LINGO2: variants seen among roughly 807,000 people sequenced by gnomAD.
LINGO2 encodes leucine-rich repeat and immunoglobulin-like domain-containing nogo receptor-interacting protein 2.
In LINGO2, 14 loss-of-function variants were observed where a neutral mutation model predicts 30.6. The observed-to-expected ratio is 0.46, with a 90% CI of 0.30 to 0.72. LINGO2 has a LOEUF of 0.72. LINGO2 is among the 30% of genes least tolerant of loss of function. The pLI is 0.07. For missense variants in LINGO2, 729 were observed against 751.7 expected (o/e 0.97, Z 0.35); for synonymous variants, 317 against 288.5 (o/e 1.10, Z -1.00).
chr9:29,057,953 C>A, the LINGO2 span, among the ~76,000 whole-genome samples: 5 of 152,056 alleles, frequency 3.3e-5, no homozygotes, highest in African/African-American at 9.7e-5. Flanking sequence ...GATCAAACTA[C>A]CTTTCAAGTA....
At chr9:27,949,551 T>C (rs779198594) in exon 6 of LINGO2, 26 of 1,613,966 alleles carry the variant, frequency 1.6e-5, no homozygotes, top group Non-Finnish European at 2.2e-5. Context: ...GCCACCAAAC[T>C]GCAGGGTGGG....
chr9:28,616,912 T>C (rs542837313), intron 1 of LINGO2, among the ~76,000 whole-genome samples: 128 of 152,358 alleles, frequency 8.4e-4, no homozygotes, highest in African/African-American at 3.1e-3. Context: ...ATCACAACTA[T>C]AAACAGAAAC....
intron 4 of LINGO2, among the ~76,000 whole-genome samples, chr9:28,017,277 GA>G (rs1216145700): frequency 6.6e-6 from 1 of 152,110 alleles, no homozygotes; most frequent in African/African-American, 2.4e-5. Context: ...TTGAGAACTA[GA>G]ATACCACAAG....
chr9:28,838,604 G>C, the LINGO2 span, among the ~76,000 whole-genome samples: 2 of 152,086 alleles, frequency 1.3e-5, no homozygotes, highest in African/African-American at 4.8e-5. Context: ...CTAATAATCT[G>C]GGGGTCATCT....
intron 1 of LINGO2, among the ~76,000 whole-genome samples, chr9:28,607,340 T>C (rs760548553): frequency 1.1e-4 from 17 of 152,012 alleles, no homozygotes; most frequent in Non-Finnish European, 1.3e-4. Flanking sequence ...TTCTCATTCA[T>C]ATATTGGTTT....
At chr9:29,009,208 A>G in the LINGO2 span, among the ~76,000 whole-genome samples, 2 of 152,158 alleles carry the variant, frequency 1.3e-5, no homozygotes, top group Non-Finnish European at 2.9e-5. Context: ...AGAAAGAAAT[A>G]AAGGGTATTC....
At chr9:28,034,164 C>T (rs1396673295) in intron 4 of LINGO2, among the ~76,000 whole-genome samples, 4 of 152,174 alleles carry the variant, frequency 2.6e-5, no homozygotes, top group African/African-American at 4.8e-5. Flanking sequence ...CCAGGGCTTG[C>T]TGGGGCGTTC....
In LINGO2 at chr9:28,636,183, A is replaced by G. The variant is rs574108230; in HGVS notation, c.-365+34017T>C. ...TATTTTTTATGGCTGCGTAGTATCC[A>G]TGGTGTATATATGCCACATTTTCTT... On this transcript the variant is annotated intron_variant, in intron 1 of 5. Coordinates refer to ENST00000379992, the Ensembl canonical transcript of LINGO2. 2.6e-5 allele frequency among the ~76,000 whole-genome samples: 4 copies of G among 152,318 alleles called. No individual in the cohort carries two copies. The East Asian group carries it at 7.7e-4, about 29-fold the overall frequency.
At chr9:28,468,425 G>A (rs907918589) in intron 2 of LINGO2, among the ~76,000 whole-genome samples, 1 of 152,178 alleles carries the variant, frequency 6.6e-6, no homozygotes, top group African/African-American at 2.4e-5. Flanking sequence ...TAGAAACCAT[G>A]TAAACCAGTG....
intron 2 of LINGO2, among the ~76,000 whole-genome samples, chr9:28,449,712 C>T (rs947783188): frequency 7.2e-5 from 11 of 151,910 alleles, no homozygotes; most frequent in African/African-American, 1.2e-4. Flanking sequence ...TGGAATGTTT[C>T]GACTGCCATT....
chr9:28,364,404 C>CA (rs1477455410), intron 3 of LINGO2, among the ~76,000 whole-genome samples: 1 of 151,632 alleles, frequency 6.6e-6, no homozygotes, highest in African/African-American at 2.4e-5. Context: ...ACACCACAGT[C>CA]AAAATGGCAT....
At chr9:28,649,327 C>A (rs947479706) in intron 1 of LINGO2, among the ~76,000 whole-genome samples, 3 of 130,676 alleles carry the variant, frequency 2.3e-5, no homozygotes, top group South Asian at 2.3e-4. Context: ...CATGTCTCAA[C>A]AATGTTGCTC....
the LINGO2 span, among the ~76,000 whole-genome samples, chr9:28,841,163 T>C: frequency 1.3e-5 from 2 of 151,856 alleles, no homozygotes; most frequent in Admixed American, 1.3e-4. Context: ...TTAGTGTCTA[T>C]ATACTACAAT....
intron 2 of LINGO2, among the ~76,000 whole-genome samples, chr9:28,408,172 AC>A (rs1390834752): frequency 1.3e-5 from 2 of 152,138 alleles, no homozygotes; most frequent in Non-Finnish European, 2.9e-5. Flanking sequence ...CTTACAAGGT[AC>A]CCTTGGGTAC....
At chr9:28,219,452 A>G (rs1395752410) in intron 4 of LINGO2, among the ~76,000 whole-genome samples, 1 of 152,178 alleles carries the variant, frequency 6.6e-6, no homozygotes, top group African/African-American at 2.4e-5. Context: ...AATAATGCCA[A>G]GTAAAATTTC....
chr9:28,459,742 T>C (rs183186032), intron 2 of LINGO2, among the ~76,000 whole-genome samples: 1 of 151,716 alleles, frequency 6.6e-6, no homozygotes, highest in Non-Finnish European at 1.5e-5. Flanking sequence ...AATCTGGCAT[T>C]CTTATAAGAC....
intron 1 of LINGO2, among the ~76,000 whole-genome samples, chr9:28,560,765 C>T (rs1823005743): frequency 6.6e-6 from 1 of 152,002 alleles, no homozygotes; most frequent in Admixed American, 6.6e-5. Flanking sequence ...CTCCCCAGCT[C>T]AAGCGATCCT....
At chr9:27,986,133 G>A (rs1214549058) in intron 5 of LINGO2, among the ~76,000 whole-genome samples, 6 of 151,428 alleles carry the variant, frequency 4.0e-5, no homozygotes, top group African/African-American at 1.2e-4. Context: ...ACCTTGGGGT[G>A]GAGCTGGCTT....
chr9:28,744,384 G>A, the LINGO2 span, among the ~76,000 whole-genome samples: 1 of 151,950 alleles, frequency 6.6e-6, no homozygotes, highest in Non-Finnish European at 1.5e-5. Flanking sequence ...TGCCTGCATG[G>A]TGTTCACCCT....
Sources: allele counts gnomAD v4.1 joint callset (sites outside exome capture counted in the v4.1 genomes callset), GRCh38; gene constraint gnomAD v4.1.1; transcripts MANE v1.5; gene names NCBI Gene and HGNC (gene_info 2026-07-23, HGNC 2026-07-21).